Variants in MYH3 observed in about 807,000 individuals in gnomAD.
The protein encoded by MYH3 is myosin-3.
In MYH3, 130 loss-of-function variants were observed where a neutral mutation model predicts 238.0. The observed-to-expected ratio is 0.55, with a 90% CI of 0.47 to 0.63. The LOEUF (loss-of-function observed/expected upper bound fraction) is 0.63. MYH3 is among the 30% of genes least tolerant of loss of function. The pLI, the probability that MYH3 is intolerant of heterozygous loss-of-function variation, is 0.00. For synonymous variants in MYH3, 880 were observed against 924.1 expected, an observed-to-expected ratio of 0.95 and a Z score of 0.86; for missense variants, 1,853 against 2,374.9, an observed-to-expected ratio of 0.78 and a Z score of 4.57.
intron 4 of MYH3, chr17:10,652,180 C>A: frequency 1.7e-6 from 1 of 588,646 alleles, no homozygotes; most frequent in Non-Finnish European, 3.1e-6. Flanking sequence ...CACCCCGTGA[C>A]CAAGCCTGGC....
chr17:10,655,389 C>G (rs1161667743), intron 2 of MYH3, among the ~76,000 whole-genome samples: 4 of 152,204 alleles, frequency 2.6e-5, no homozygotes, highest in Non-Finnish European at 5.9e-5. Context: ...CTTGGGACCG[C>G]CTTTTCCGCT....
chr17:10,662,007 G>GCTTTCTTT (rs141386069), upstream of MYH3, among the ~76,000 whole-genome samples: 1 of 151,366 alleles, frequency 6.6e-6, no homozygotes, highest in Non-Finnish European at 1.5e-5. Flanking sequence ...ACCTTCCCCA[G>GCTTTCTTT]CTTTCTTTCT....
At position 10,652,530 on chromosome 17, in the gene MYH3, T is replaced by C. The variant is rs760447963; in HGVS notation, c.238A>G (p.Met80Val). ...ATCCTGTCGAACTTGGGGGGGTTCA[T>C]GGCGTACACATCCTCTGGTTTGACC... Reference protein sequence around the residue: ...LVVKPEDVYAMNPPKFDRIED... With the variant: ...LVVKPEDVYAVNPPKFDRIED... The change falls in exon 4 of 41, where the codon ATG becomes GTG. Residue 80 changes from methionine (M) to valine (V), a missense_variant. Physicochemically the swap from Met to Val is conservative, Grantham distance 21. Coordinates refer to ENST00000583535, the MANE Select transcript of MYH3 (RefSeq NM_002470.4). 66 of 1,612,766 alleles carry C rather than the reference T, an allele frequency of 4.1e-5. No homozygotes were observed. The Admixed American group carries it at 1.0e-3, about 25-fold the overall frequency.
chr17:10,647,542 T>C (rs1448042937), intron 8 of MYH3, 116 bp from the exon 9 acceptor site: 5 of 1,091,446 alleles, frequency 4.6e-6, no homozygotes, highest in Non-Finnish European at 5.5e-6. Context: ...TGTTTTGTTT[T>C]GTTTTGTTTT....
rs370816135 is a variant in MYH3, at chr17:10,634,072, G to A, written c.4467C>T (p.Tyr1489=). The A allele has an allele frequency of 9.4e-5, 152 of 1,614,112 alleles. 2 individuals are homozygous for A. In the East Asian group the frequency reaches 9.8e-4, roughly 10 times the overall value. ...STELFKLKNA[Y]EEALDQLETV... The stretch of plus-strand genomic sequence containing the variant: ...TTTCAAGTTGATCTAAGGCTTCCTC[G>A]TAGGCATTTTTCAGTTTGAAGAGCT... Residue 1489 remains tyrosine (Y), a synonymous_variant, in exon 32 of 41, where the codon TAC becomes TAT. Coordinates refer to ENST00000583535, the MANE Select transcript of MYH3 (RefSeq NM_002470.4).
At chr17:10,660,110 T>C (rs1437881618), upstream of MYH3, among the ~76,000 whole-genome samples, 2 of 152,248 alleles carry the variant, frequency 1.3e-5, no homozygotes, top group African/African-American at 4.8e-5. Flanking sequence ...GTGTGCTTCT[T>C]TGAGCCTTCG....
chr17:10,663,682 C>G, the MYH3 span, among the ~76,000 whole-genome samples: 17 of 152,140 alleles, frequency 1.1e-4, no homozygotes, highest in Non-Finnish European at 2.2e-4. Flanking sequence ...TTTCTTTTGG[C>G]TTTTTGCTAT....
At chr17:10,644,729 A>T (rs2074304454) in intron 12 of MYH3, 27 bp from the exon 13 acceptor site, 2 of 1,533,848 alleles carry the variant, frequency 1.3e-6, no homozygotes, top group Non-Finnish European at 1.8e-6. Context: ...GACAGTGCTT[A>T]GAAAAGTAGA....
upstream of MYH3, chr17:10,659,177 C>T (rs994004583): frequency 1.3e-5 from 2 of 152,244 alleles, no homozygotes; most frequent in African/African-American, 4.8e-5. Flanking sequence ...CCAATGTACT[C>T]ATCTATCTAT....
At chr17:10,640,778 A>G (rs2074263989) in intron 19 of MYH3, 92 bp from the exon 20 acceptor site, 1 of 1,474,104 alleles carries the variant, frequency 6.8e-7, no homozygotes, top group South Asian at 1.2e-5. Context: ...CTATAGGCAG[A>G]AGGCCAAGGT....
At chr17:10,639,892 A>AT in intron 22 of MYH3, 90 bp from the exon 23 acceptor site, 1 of 1,592,472 alleles carries the variant, frequency 6.3e-7, no homozygotes, top group East Asian at 2.2e-5. Context: ...TTTATGAAGC[A>AT]TTTCAACTAA....
In MYH3 at chr17:10,631,906, C is replaced by A. The variant is rs112858125; in HGVS notation, c.5067G>T (p.Leu1689=). 599 of 1,614,196 alleles carry A rather than the reference C, an allele frequency of 3.7e-4. 4 individuals are homozygous for A. The African/African-American group carries it at 6.6e-3, about 18-fold the overall frequency. ...TCTCCGTCTGCTCCAGAGTAGCCCG[C>A]AGCTCCTCCACCTCGGCCTGCAGCA... The part of the protein sequence containing the change: ...ANLLQAEVEE[L]RATLEQTERA... Residue 1689 remains leucine (L), a synonymous_variant, in exon 35 of 41, where the codon CTG becomes CTT. Transcript: ENST00000583535.
At chr17:10,664,800 C>T in the MYH3 span, among the ~76,000 whole-genome samples, 66 of 152,010 alleles carry the variant, frequency 4.3e-4, no homozygotes, top group African/African-American at 1.3e-3. Context: ...TGATTGAAGC[C>T]GAGAAGAATG....
At chr17:10,671,198 T>C in the MYH3 span, among the ~76,000 whole-genome samples, 606 of 152,278 alleles carry the variant, frequency 4.0e-3, 8 homozygotes, top group African/African-American at 0.013. Context: ...CGGCCTCTGC[T>C]GTATCTTATG....
chr17:10,669,160 C>A, the MYH3 span, among the ~76,000 whole-genome samples: 62 of 152,220 alleles, frequency 4.1e-4, no homozygotes, highest in African/African-American at 1.3e-3. Flanking sequence ...GATGTGAGCC[C>A]TAATAGCATC....
Position 10,642,233 on chromosome 17 carries a change from T to C in MYH3, c.1959+7A>G. 1 of 1,612,400 alleles carries C rather than the reference T, an allele frequency of 6.2e-7. No individual in the cohort carries two copies. Among genetic ancestry groups the C allele is most frequent in the Admixed American group, 1.7e-5 (1 of 59,984 alleles). ...ATTATAAGCAAATAAACTTGTATTT[T>C]TCTTACCCTGAAAAGGGCAGAGACA... On this transcript the variant is annotated splice_region_variant and intron_variant, in intron 17 of 40. Transcript: ENST00000583535. The surrounding 1 kb of genome is among the most constrained non-coding windows in gnomAD (Gnocchi z 5.4).
upstream of MYH3, among the ~76,000 whole-genome samples, chr17:10,661,053 C>T (rs542903753): frequency 1.3e-5 from 2 of 151,296 alleles, no homozygotes; most frequent in East Asian, 4.1e-4. Flanking sequence ...CTTAGCTCAC[C>T]GCAACCTCCA....
chr17:10,656,431 G>A (rs1415541123), intron 1 of MYH3, among the ~76,000 whole-genome samples: 3 of 151,996 alleles, frequency 2.0e-5, no homozygotes, highest in African/African-American at 7.3e-5. Flanking sequence ...CAGCTACTCT[G>A]GAGGCTTAGG....
intron 10 of MYH3, 30 bp from the exon 11 acceptor site, chr17:10,646,062 T>C (rs1597489788): frequency 1.3e-6 from 2 of 1,595,630 alleles, no homozygotes; most frequent in African/African-American, 1.3e-5. Context: ...CAGGAGGTTA[T>C]GCAGATGCAA....
Sources: gnomAD v4.1 joint callset for allele counts (sites outside exome capture counted in the v4.1 genomes callset) on GRCh38, gnomAD v4.1.1 for gene constraint, Gnocchi (gnomAD v3.1) non-coding constraint, MANE v1.5 for transcripts, NCBI Gene and HGNC (gene_info 2026-07-23, HGNC 2026-07-21) for gene names.